Variants in CCDC68 observed in about 807,000 individuals in gnomAD.
CCDC68 encodes coiled-coil domain-containing protein 68.
CCDC68 carries 45 observed loss-of-function variants against 47.1 expected under a neutral mutation model. The observed-to-expected ratio is 0.96, with a 90% CI of 0.75 to 1.23. The LOEUF (loss-of-function observed/expected upper bound fraction) is 1.23. Ranked by LOEUF, CCDC68 falls within the 50% of genes most tolerant of loss-of-function variation. CCDC68 has a pLI of 0.00. For missense variants in CCDC68, 353 were observed against 373.6 expected (o/e 0.94, Z 0.45); for synonymous variants, 131 against 129.5 (o/e 1.01, Z -0.08).
At chr18:54,957,461 T>C (rs1334565349) in intron 1 of CCDC68, among the ~76,000 whole-genome samples, 1 of 152,226 alleles carries the variant, frequency 6.6e-6, no homozygotes, top group Non-Finnish European at 1.5e-5. Flanking sequence ...GTGTCTGATT[T>C]ACACAGGGCT....
At chr18:54,933,689 A>G (rs2145526941) in intron 7 of CCDC68, among the ~76,000 whole-genome samples, 1 of 152,340 alleles carries the variant, frequency 6.6e-6, no homozygotes, top group East Asian at 1.9e-4. Context: ...GGATAAACTA[A>G]TTGCTTAAGG....
chr18:54,937,823 G>T, intron 5 of CCDC68, 134 bp downstream of exon 5: 2 of 562,484 alleles, frequency 3.6e-6, no homozygotes, highest in Non-Finnish European at 5.9e-6. Context: ...GCTTCTCTAT[G>T]TAAGTGAGCA....
intron 1 of CCDC68, among the ~76,000 whole-genome samples, chr18:54,956,006 G>T (rs1276494894): frequency 6.8e-6 from 1 of 148,088 alleles, no homozygotes; most frequent in Non-Finnish European, 1.5e-5. Context: ...AAAATTAGAA[G>T]TTCAGACGAG....
rs530622472 is a variant in CCDC68, at chr18:54,912,664, C to T, written c.874-4802G>A. Among the ~76,000 whole-genome samples, 15 of 152,070 alleles carry T rather than the reference C, an allele frequency of 9.9e-5. No homozygotes were observed. In the South Asian group the frequency reaches 3.1e-3, roughly 32 times the overall value. On this transcript the variant is annotated intron_variant, in intron 10 of 11. Transcript: ENST00000591504. Reference sequence around the variant, plus strand: ...TACACACACACACACATTTAATCACCCAGTGTATTAGTCTGTACTGACGCT... The same window carrying T: ...TACACACACACACACATTTAATCACTCAGTGTATTAGTCTGTACTGACGCT...
At chr18:54,941,462 CACTACAAAATAATTACTACCTAGTAATT>C (rs144558284) in intron 3 of CCDC68, among the ~76,000 whole-genome samples, 21,144 of 151,906 alleles carry the variant, frequency 0.14, 1,556 homozygotes, top group Non-Finnish European at 0.16. Context: ...ACTTAGTAAT[CACTACAAAATAATTACTACCTAGTAATT>C]ACTACAAAAT....
Position 54,903,288 on chromosome 18 carries a change from A to G in CCDC68, c.*1070T>C, listed in dbSNP as rs940409058. The G allele has an allele frequency of 1.3e-5, 2 of 152,210 alleles. No individual in the cohort carries two copies. Among genetic ancestry groups the G allele is most frequent in the South Asian group, 2.1e-4 (1 of 4,832 alleles). 9.4% of individuals were successfully genotyped at this position (152,210 alleles called of 1,614,324 possible). On this transcript the variant is annotated 3_prime_UTR_variant, in exon 12 of 12. Coordinates refer to ENST00000591504, the MANE Select transcript of CCDC68 (RefSeq NM_025214.3). ...TCCTTTAGGGGGACCAAGGTCTCTC[A>G]TTATACATTTAATTGAAGTTTGTTC...
intron 5 of CCDC68, 35 bp downstream of exon 5, chr18:54,937,921 TC>T: frequency 1.3e-6 from 2 of 1,591,884 alleles, no homozygotes. Context: ...GCTCGAAGGC[TC>T]AAAACACAAA....
At chr18:54,925,897 G>A (rs1448451304) in intron 8 of CCDC68, among the ~76,000 whole-genome samples, 1 of 152,166 alleles carries the variant, frequency 6.6e-6, no homozygotes, top group African/African-American at 2.4e-5. Flanking sequence ...GGATGTAGGT[G>A]TAGCCCTGTT....
In CCDC68 at chr18:54,902,314, G is replaced by T. The variant is rs1302240590; in HGVS notation, c.*2044C>A. On this transcript the variant is annotated 3_prime_UTR_variant, in exon 12 of 12. Coordinates refer to ENST00000591504, the MANE Select transcript of CCDC68 (RefSeq NM_025214.3). ...AAGTTATTCTAATGGAAATCATCAA[G>T]ATTGTCAGGTCAGTTAAATAAGCCC... The T allele has an allele frequency of 2.0e-5, 3 of 152,286 alleles. No individual in the cohort carries two copies. The East Asian group carries it at 5.8e-4, about 29-fold the overall frequency. The allele number at this position is 152,286 out of a possible 1,614,324, so 9.4% of individuals were successfully genotyped here.
intron 10 of CCDC68, among the ~76,000 whole-genome samples, chr18:54,909,053 C>A (rs1914184945): frequency 6.6e-6 from 1 of 152,172 alleles, no homozygotes; most frequent in South Asian, 2.1e-4. Flanking sequence ...CCAAAGACTT[C>A]CAGTGCCCCA....
chr18:54,934,917 T>A lies in CCDC68; in HGVS notation c.503A>T (p.Lys168Ile). Residue 168 changes from lysine (K) to isoleucine (I), a missense_variant, in exon 7 of 12, where the codon AAA becomes ATA. Lys to Ile is a moderately radical substitution (Grantham distance 102). Transcript: ENST00000591504. ...VNKLEKEQKL[K>I]QHVENLNQVA... ...TTGATTCAGATTTTCAACATGTTGT[T>A]TCAATTTCTGTTCTTTTTCAAGCTT... 6.3e-7 allele frequency: 1 copy of A among 1,595,230 alleles called. No homozygotes were observed. The highest frequency in any genetic ancestry group is 8.5e-7 in the Non-Finnish European group (1 of 1,172,664).
At chr18:54,947,937 A>G (rs760452028) in intron 1 of CCDC68, among the ~76,000 whole-genome samples, 5 of 152,224 alleles carry the variant, frequency 3.3e-5, no homozygotes, top group Non-Finnish European at 5.9e-5. Context: ...TTTACAATCT[A>G]CAAAGCAATG....
intron 7 of CCDC68, among the ~76,000 whole-genome samples, chr18:54,933,657 A>G (rs1423205663): frequency 1.3e-5 from 2 of 152,234 alleles, no homozygotes; most frequent in Non-Finnish European, 2.9e-5. Context: ...CCAACACAGC[A>G]TAATTATAAA....
intron 3 of CCDC68, among the ~76,000 whole-genome samples, chr18:54,942,466 A>T (rs2044454065): frequency 6.6e-6 from 1 of 152,200 alleles, no homozygotes; most frequent in African/African-American, 2.4e-5. Context: ...GAGTAAAATC[A>T]TTTTACTCCA....
At chr18:54,936,546 A>T (rs2044352509) in intron 6 of CCDC68, among the ~76,000 whole-genome samples, 1 of 152,098 alleles carries the variant, frequency 6.6e-6, no homozygotes, top group Admixed American at 6.6e-5. Context: ...CCAGCTCCGC[A>T]GAGCCAGTCC....
At chr18:54,955,493 C>T (rs555737341) in intron 1 of CCDC68, among the ~76,000 whole-genome samples, 2 of 152,234 alleles carry the variant, frequency 1.3e-5, no homozygotes, top group African/African-American at 4.8e-5. Flanking sequence ...TTCTGTTCTA[C>T]TAGAGAAATC....
chr18:54,956,319 G>T (rs1384339266), intron 1 of CCDC68, among the ~76,000 whole-genome samples: 2 of 152,206 alleles, frequency 1.3e-5, no homozygotes, highest in Admixed American at 6.5e-5. Flanking sequence ...TGGTTTGTTG[G>T]AGAGTTACAC....
chr18:54,904,913 A>G (rs1168456442), intron 11 of CCDC68, among the ~76,000 whole-genome samples: 1 of 152,150 alleles, frequency 6.6e-6, no homozygotes, highest in Non-Finnish European at 1.5e-5. Context: ...ATACATATGC[A>G]TATTTTATTA....
intron 10 of CCDC68, among the ~76,000 whole-genome samples, chr18:54,912,430 G>GA (rs5825106): frequency 0.98 from 148,974 of 152,090 alleles, 73,048 homozygotes; most frequent in East Asian, 1. Context: ...ATAGGGAGAG[G>GA]AAAAAAACTG....
Sources: gnomAD v4.1 joint callset for allele counts (sites outside exome capture counted in the v4.1 genomes callset) on GRCh38, gnomAD v4.1.1 for gene constraint, MANE v1.5 for transcripts, NCBI Gene and HGNC (gene_info 2026-07-23, HGNC 2026-07-21) for gene names.